Variants in COL4A4 observed in about 807,000 individuals in gnomAD.
COL4A4 encodes collagen alpha-4(IV) chain.
COL4A4 carries 105 observed loss-of-function variants against 192.9 expected under a neutral mutation model. The observed-to-expected ratio is 0.54, with a 90% CI of 0.46 to 0.64. The LOEUF (loss-of-function observed/expected upper bound fraction) is 0.64, where lower values mean the gene tolerates loss of function less well. Among genes scored for constraint, COL4A4 ranks in the 30% least tolerant of loss-of-function variants. COL4A4 has a pLI of 0.00. For synonymous variants in COL4A4, 762 were observed against 769.9 expected (o/e 0.99, Z 0.17); for missense variants, 1,967 against 2,169.3 (o/e 0.91, Z 1.85).
At chr2:227,126,049 G>A (rs370695561) in intron 4 of COL4A4, among the ~76,000 whole-genome samples, 6 of 152,066 alleles carry the variant, frequency 3.9e-5, no homozygotes, top group African/African-American at 4.8e-5. Flanking sequence ...GGACTCAACC[G>A]ATCCAGATGG....
intron 38 of COL4A4, 28 bp downstream of exon 38, chr2:227,033,382 G>A (rs2149992349): frequency 6.4e-7 from 1 of 1,571,426 alleles, no homozygotes; most frequent in Non-Finnish European, 8.8e-7. Flanking sequence ...CTGAAGCTCA[G>A]TCTGTTACGA....
rs1035204012 is a variant in COL4A4, at chr2:227,054,293, C to T, written c.2860+301G>A. Among the ~76,000 whole-genome samples the T allele has an allele frequency of 2.6e-5, 4 of 152,100 alleles. No individual in the cohort carries two copies. In the South Asian group the frequency reaches 6.2e-4, roughly 24 times the overall value. ...TGAAACAGAGGTTGGAGAACAAGAG[C>T]CCCCTTTCCCAAAAGGTGAGAAAGT... On this transcript the variant is annotated intron_variant, in intron 31 of 47. Coordinates refer to ENST00000396625, the MANE Select transcript of COL4A4 (RefSeq NM_000092.5).
At chr2:227,082,749 G>A (rs904696752) in intron 22 of COL4A4, among the ~76,000 whole-genome samples, 7 of 152,304 alleles carry the variant, frequency 4.6e-5, no homozygotes, top group Non-Finnish European at 7.3e-5. Flanking sequence ...AAGGAAAGTT[G>A]ATGAGCAGGA....
chr2:227,154,140 C>T (rs1042628784), intron 1 of COL4A4, among the ~76,000 whole-genome samples: 3 of 152,214 alleles, frequency 2.0e-5, no homozygotes, highest in Admixed American at 6.5e-5. Context: ...CCAGCATGTA[C>T]ATTCAGCAAA....
At chr2:227,104,414 CAAAAAA>C (rs60259710) in intron 12 of COL4A4, among the ~76,000 whole-genome samples, 8 of 96,874 alleles carry the variant, frequency 8.3e-5, no homozygotes, top group African/African-American at 3.0e-4. Flanking sequence ...ACTAAAAATA[CAAAAAA>C]AAAAAAAAAA....
intron 20 of COL4A4, 22 bp from the exon 21 acceptor site, chr2:227,089,979 G>T (rs756374967): frequency 7.6e-6 from 12 of 1,582,622 alleles, no homozygotes; most frequent in Middle Eastern, 1.7e-4. Context: ...GTAAGGGGGT[G>T]GGCAGAGAGA....
intron 47 of COL4A4, 74 bp from the exon 48 acceptor site, chr2:227,007,662 A>T: frequency 6.3e-7 from 1 of 1,588,368 alleles, no homozygotes. Flanking sequence ...GGACACACCC[A>T]GGTTTGGGTC....
intron 42 of COL4A4, among the ~76,000 whole-genome samples, chr2:227,027,496 A>T (rs1326285108): frequency 8.9e-6 from 1 of 112,022 alleles, no homozygotes; most frequent in African/African-American, 3.7e-5. Flanking sequence ...AGGAGGGGGG[A>T]GGGGGGAGGG....
the COL4A4 span, among the ~76,000 whole-genome samples, chr2:226,979,280 A>G: frequency 6.6e-6 from 1 of 152,306 alleles, no homozygotes; most frequent in South Asian, 2.1e-4. Context: ...TTCTTGTCAC[A>G]CAACCAGGAA....
chr2:227,117,996 G>A (rs796717080), intron 7 of COL4A4, among the ~76,000 whole-genome samples: 3 of 152,336 alleles, frequency 2.0e-5, no homozygotes, highest in African/African-American at 7.2e-5. Context: ...GCAGAAGTTT[G>A]GAAGAGATTC....
intron 2 of COL4A4, among the ~76,000 whole-genome samples, chr2:227,145,810 A>C (rs2063512241): frequency 6.6e-6 from 1 of 152,184 alleles, no homozygotes; most frequent in African/African-American, 2.4e-5. Context: ...CCCATACTTA[A>C]TGGCTCCCAC....
At chr2:227,121,637 A>G (rs1463749385) in intron 4 of COL4A4, among the ~76,000 whole-genome samples, 3 of 152,050 alleles carry the variant, frequency 2.0e-5, no homozygotes, top group African/African-American at 4.8e-5. Flanking sequence ...AAAACAAGAC[A>G]AGAAAAGAAA....
chr2:227,032,258 G>A lies in COL4A4; in HGVS notation c.3596C>T (p.Pro1199Leu). 3 of 1,613,900 alleles carry A rather than the reference G, an allele frequency of 1.9e-6. No homozygotes were observed. Among genetic ancestry groups the A allele is most frequent in the Non-Finnish European group, 2.5e-6 (3 of 1,179,838 alleles). ...CCCAGGTATTCCCACTGGACCAGGT[G>A]GCCCCACATCATGCAAACCTTAATG... ...KGASGLHDVG[P>L]PGPVGIPGLK... is the part of the protein sequence containing the mutation. Residue 1199 changes from proline to leucine, a missense_variant, in exon 39 of 48, where the codon CCA becomes CTA. Physicochemically the swap from Pro to Leu is moderately conservative, Grantham distance 98 (BLOSUM62 -3). Transcript: ENST00000396625.
Position 227,052,308 on chromosome 2 carries a change from T to C in COL4A4, c.2965A>G (p.Arg989Gly). 1 of 1,577,558 alleles carries C rather than the reference T, an allele frequency of 6.3e-7. No individual in the cohort carries two copies. The highest frequency in any genetic ancestry group is 8.7e-7 in the Non-Finnish European group (1 of 1,146,706). Residue 989 changes from arginine to glycine, a missense_variant, in exon 32 of 48, where the codon AGA becomes GGA. Coordinates refer to ENST00000396625, the MANE Select transcript of COL4A4 (RefSeq NM_000092.5). ...TTAAAAACTCTTAAGTGTTTACCTCTTTCTCCTGGGAATCCATCATCTCCA... is the reference window on the plus strand; with the variant it reads ...TTAAAAACTCTTAAGTGTTTACCTCCTTCTCCTGGGAATCCATCATCTCCA... ...PPGDDGFPGERGDKGTPGMQG... is the reference protein window; with the variant it reads ...PPGDDGFPGEGGDKGTPGMQG...
At chr2:227,097,898 T>C (rs2060290938) in intron 19 of COL4A4, among the ~76,000 whole-genome samples, 1 of 152,188 alleles carries the variant, frequency 6.6e-6, no homozygotes, top group Non-Finnish European at 1.5e-5. Context: ...TAAAACTACG[T>C]TTACTCAAGA....
chr2:227,078,110 C>T, intron 24 of COL4A4, 33 bp from the exon 25 acceptor site: 1 of 1,608,032 alleles, frequency 6.2e-7, no homozygotes, highest in Non-Finnish European at 8.5e-7. Flanking sequence ...CAATTACCAA[C>T]CACTGAATGT....
chr2:227,030,709 A>G, intron 40 of COL4A4, 111 bp from the exon 41 acceptor site: 1 of 768,626 alleles, frequency 1.3e-6, no homozygotes, highest in Non-Finnish European at 2.0e-6. Context: ...AGCAAGGAAT[A>G]AAGAGAATTA....
At chr2:227,070,069 A>T (rs1328142535) in intron 25 of COL4A4, among the ~76,000 whole-genome samples, 1 of 151,990 alleles carries the variant, frequency 6.6e-6, no homozygotes, top group Non-Finnish European at 1.5e-5. Flanking sequence ...GGACATGAAC[A>T]GACACTTCTC....
chr2:227,125,438 A>C (rs1298367378), intron 4 of COL4A4, among the ~76,000 whole-genome samples: 1 of 151,606 alleles, frequency 6.6e-6, no homozygotes, highest in Non-Finnish European at 1.5e-5. Flanking sequence ...CGAACTCCTG[A>C]CCTCAAGTGA....
Sources: allele counts gnomAD v4.1 joint callset (sites outside exome capture counted in the v4.1 genomes callset), GRCh38; gene constraint gnomAD v4.1.1; transcripts MANE v1.5; gene names NCBI Gene and HGNC (gene_info 2026-07-23, HGNC 2026-07-21).